The following PCDH15 variants were observed in gnomAD, a reference collection of about 807,000 sequenced individuals.
PCDH15 encodes protocadherin-15.
A neutral mutation model predicts 178.5 loss-of-function variants in PCDH15; 129 were observed. The observed-to-expected ratio is 0.72, with a 90% CI of 0.63 to 0.84. PCDH15 has a LOEUF of 0.84. Among genes scored for constraint, PCDH15 ranks in the 40% least tolerant of loss-of-function variants. PCDH15 has a pLI of 0.00. For missense variants in PCDH15, 2,230 were observed against 2,099.9 expected (o/e 1.06, Z -1.21); for synonymous variants, 800 against 732.0 (o/e 1.09, Z -1.50).
chr10:54,497,994 T>C (rs891880617), intron 3 of PCDH15, among the ~76,000 whole-genome samples: 1 of 151,880 alleles, frequency 6.6e-6, no homozygotes. Flanking sequence ...ATCGCCAAGA[T>C]ATATAGTCAT....
intron 2 of PCDH15, among the ~76,000 whole-genome samples, chr10:54,596,126 T>C (rs962935403): frequency 6.6e-5 from 10 of 152,060 alleles, no homozygotes; most frequent in African/African-American, 2.4e-4. Context: ...CACAAAGTAC[T>C]TCACAAGAAG....
intron 8 of PCDH15, among the ~76,000 whole-genome samples, chr10:54,293,104 G>C (rs1008169364): frequency 1.3e-5 from 2 of 152,108 alleles, no homozygotes; most frequent in Non-Finnish European, 2.9e-5. Context: ...GCATGGTACT[G>C]GTACAAAAAC....
intron 2 of PCDH15, among the ~76,000 whole-genome samples, chr10:55,440,879 G>T (rs1017810363): frequency 2.6e-5 from 4 of 152,128 alleles, no homozygotes; most frequent in Admixed American, 2.6e-4. Context: ...AGACAAGAGA[G>T]AATGAGGACC....
intron 3 of PCDH15, among the ~76,000 whole-genome samples, chr10:54,843,728 C>A (rs1448674168): frequency 6.6e-6 from 1 of 151,898 alleles, no homozygotes; most frequent in Non-Finnish European, 1.5e-5. Flanking sequence ...GAGTTTGCTT[C>A]AATAAACGTA....
At chr10:55,002,781 G>C (rs757083840) in intron 2 of PCDH15, among the ~76,000 whole-genome samples, 2 of 152,194 alleles carry the variant, frequency 1.3e-5, no homozygotes, top group South Asian at 4.1e-4. Flanking sequence ...CAGTTCCAGG[G>C]ATAAAAGTAG....
chr10:54,603,065 A>T (rs2092607662), intron 2 of PCDH15, among the ~76,000 whole-genome samples: 1 of 152,016 alleles, frequency 6.6e-6, no homozygotes, highest in Admixed American at 6.6e-5. Flanking sequence ...TTCTCCCACA[A>T]AGCCATGCAG....
intron 23 of PCDH15, among the ~76,000 whole-genome samples, chr10:53,957,505 T>A (rs2087741972): frequency 6.9e-6 from 1 of 145,634 alleles, no homozygotes; most frequent in African/African-American, 2.7e-5. Flanking sequence ...TTTACTATGT[T>A]TTTTTTTTTT....
chr10:53,842,494 G>T (rs771557674), intron 28 of PCDH15, among the ~76,000 whole-genome samples: 3 of 152,128 alleles, frequency 2.0e-5, no homozygotes, highest in Non-Finnish European at 2.9e-5. Context: ...TGATCCGCCC[G>T]CCTCGGCCTT....
intron 2 of PCDH15, among the ~76,000 whole-genome samples, chr10:55,450,563 G>C (rs995986663): frequency 6.6e-6 from 1 of 152,078 alleles, no homozygotes; most frequent in African/African-American, 2.4e-5. Context: ...AATTATCAAA[G>C]ACATCAAATG....
chr10:55,116,436 T>C (rs891561566), intron 2 of PCDH15, among the ~76,000 whole-genome samples: 1 of 152,134 alleles, frequency 6.6e-6, no homozygotes, highest in Non-Finnish European at 1.5e-5. Flanking sequence ...TCTCTTCTCC[T>C]CTCTCAATTT....
At chr10:54,934,549 G>A (rs536131228) in intron 2 of PCDH15, among the ~76,000 whole-genome samples, 9 of 151,928 alleles carry the variant, frequency 5.9e-5, no homozygotes, top group Admixed American at 3.3e-4. Flanking sequence ...ACACCAGTTA[G>A]AATGGCGATC....
rs4935498 is a variant in PCDH15, at chr10:54,101,098, A to C, written c.1918-11035T>G. Among the ~76,000 whole-genome samples the C allele has an allele frequency of 2.6e-5, 4 of 152,044 alleles. No individual in the cohort carries two copies. The South Asian group carries it at 6.2e-4, about 24-fold the overall frequency. ...GACAATTGAATCCTGGGGGCAGGTC[A>C]TTCCCATGGCTATTCTTGTGATAGC... On this transcript the variant is annotated intron_variant, in intron 15 of 37. Coordinates refer to ENST00000644397, the MANE Select transcript of PCDH15 (RefSeq NM_001384140.1).
At chr10:54,915,973 C>A (rs1954894563) in intron 2 of PCDH15, among the ~76,000 whole-genome samples, 1 of 152,152 alleles carries the variant, frequency 6.6e-6, no homozygotes, top group Non-Finnish European at 1.5e-5. Context: ...AGCTCACAGG[C>A]ACCTGCAACC....
At chr10:53,982,666 G>T (rs2090754418) in intron 21 of PCDH15, among the ~76,000 whole-genome samples, 1 of 124,082 alleles carries the variant, frequency 8.1e-6, no homozygotes, top group Admixed American at 9.3e-5. Flanking sequence ...TCTGGGGACT[G>T]TTGTGGGGTG....
chr10:55,608,450 A>T (rs1010381003), intron 2 of PCDH15, among the ~76,000 whole-genome samples: 6 of 151,566 alleles, frequency 4.0e-5, no homozygotes, highest in African/African-American at 1.5e-4. Context: ...ATTGGGTAGG[A>T]CAGAAAATGT....
rs573317158 is a variant in PCDH15, at chr10:55,184,787, T to G, written c.-155-18136A>C. On this transcript the variant is annotated intron_variant, in intron 1 of 5. Transcript: ENST00000458638. ...AACTTGATCTTTTTTATTCTAAGAT[T>G]TATGACACATGCACACAAAGTTAAA... Among the ~76,000 whole-genome samples, 3 of 152,078 alleles carry G rather than the reference T, an allele frequency of 2.0e-5. No individual in the cohort carries two copies. The South Asian group carries it at 6.2e-4, about 31-fold the overall frequency.
chr10:55,570,326 C>CG (rs1842384791), intron 2 of PCDH15, among the ~76,000 whole-genome samples: 1 of 151,870 alleles, frequency 6.6e-6, no homozygotes, highest in Admixed American at 6.6e-5. Flanking sequence ...TAAAAGACAA[C>CG]CCTGTTCACA....
chr10:54,941,096 C>T (rs1733755), intron 2 of PCDH15, among the ~76,000 whole-genome samples: 20,381 of 151,572 alleles, frequency 0.13, 1,558 homozygotes, highest in East Asian at 0.24. Context: ...TGTTCTTTTT[C>T]GCTTCTTTAA....
At chr10:55,537,752 A>G (rs1056141977) in intron 2 of PCDH15, among the ~76,000 whole-genome samples, 1 of 151,990 alleles carries the variant, frequency 6.6e-6, no homozygotes, top group Non-Finnish European at 1.5e-5. Flanking sequence ...ATTTATAACT[A>G]TGTGTTTTCT....
Sources: gnomAD v4.1 joint callset for allele counts (sites outside exome capture counted in the v4.1 genomes callset) on GRCh38, gnomAD v4.1.1 for gene constraint, MANE v1.5 for transcripts, NCBI Gene and HGNC (gene_info 2026-07-23, HGNC 2026-07-21) for gene names.